Variants in AKAP7 observed in about 807,000 individuals in gnomAD.
AKAP7 encodes A-kinase anchoring protein 7, also known as A kinase (PRKA) anchor protein 7.
AKAP7 carries 39 observed loss-of-function variants against 39.5 expected under a neutral mutation model. That is an observed-to-expected ratio of 0.99 (90% CI 0.76 to 1.29). The LOEUF (loss-of-function observed/expected upper bound fraction) is 1.29, where lower values mean the gene tolerates loss of function less well. Among genes scored for constraint, AKAP7 ranks in the 50% most tolerant of loss-of-function variants. The probability of loss-of-function intolerance (pLI) is 0.00; values close to 1 mark genes in which losing one functional copy is unlikely to be tolerated. For synonymous variants in AKAP7, 140 were observed against 139.1 expected, an observed-to-expected ratio of 1.01 and a Z score of -0.05; for missense variants, 414 against 407.7, an observed-to-expected ratio of 1.02 and a Z score of -0.13.
At chr6:131,167,151 A>C (rs975674052) in intron 4 of AKAP7, among the ~76,000 whole-genome samples, 1 of 152,170 alleles carries the variant, frequency 6.6e-6, no homozygotes, top group Non-Finnish European at 1.5e-5. Context: ...ATATGCATAT[A>C]CTTTTTACTT....
chr6:131,217,558 C>T (rs778573033), intron 6 of AKAP7, among the ~76,000 whole-genome samples: 2 of 152,050 alleles, frequency 1.3e-5, no homozygotes, highest in Admixed American at 6.5e-5. Flanking sequence ...CCTTTTTGAA[C>T]CATAGCTCTC....
chr6:131,151,769 T>C (rs572725336), intron 2 of AKAP7, among the ~76,000 whole-genome samples: 4 of 152,296 alleles, frequency 2.6e-5, no homozygotes, highest in African/African-American at 4.8e-5. Flanking sequence ...CTATGAAATA[T>C]AGAAGATAGT....
chr6:131,251,131 T>G (rs1395662191), intron 7 of AKAP7, among the ~76,000 whole-genome samples: 1 of 152,204 alleles, frequency 6.6e-6, no homozygotes, highest in Non-Finnish European at 1.5e-5. Context: ...GTGAGACCAC[T>G]CTAAACAAGT....
intron 2 of AKAP7, among the ~76,000 whole-genome samples, chr6:131,154,117 A>G (rs1367747377): frequency 6.6e-6 from 1 of 152,152 alleles, no homozygotes; most frequent in African/African-American, 2.4e-5. Context: ...CTGAGGCAGG[A>G]GAATCACTTG....
chr6:131,265,286 C>T (rs1212487697), intron 7 of AKAP7, among the ~76,000 whole-genome samples: 4 of 152,194 alleles, frequency 2.6e-5, no homozygotes, highest in East Asian at 3.9e-4. Flanking sequence ...AGGCATGTGC[C>T]ACCACACCCA....
chr6:131,182,983 GA>G (rs1466257598), intron 5 of AKAP7, among the ~76,000 whole-genome samples: 1 of 151,942 alleles, frequency 6.6e-6, no homozygotes, highest in South Asian at 2.1e-4. Context: ...AATTTTGGGG[GA>G]AAAAAAGCTG....
chr6:131,136,158 G>C lies in AKAP7; in HGVS notation c.19+376G>C, dbSNP rs568441427. ...TGTAAACAAAACCTAGTAAAATTTC[G>C]ATTTTATCTTATATCACAAATATTA... On this transcript the variant is annotated intron_variant, in intron 1 of 7. Coordinates refer to ENST00000431975, the MANE Select transcript of AKAP7 (RefSeq NM_016377.4). 9.4e-4 allele frequency among the ~76,000 whole-genome samples: 143 copies of C among 152,236 alleles called. 3 individuals are homozygous for C. The highest frequency in any genetic ancestry group is 8.7e-4 in the Non-Finnish European group (59 of 68,028).
intron 7 of AKAP7, among the ~76,000 whole-genome samples, chr6:131,265,628 T>C (rs549609692): frequency 2.8e-4 from 43 of 152,266 alleles, no homozygotes; most frequent in African/African-American, 1.0e-3. Flanking sequence ...GTTAGCAGTC[T>C]CATTTTAGAA....
chr6:131,220,666 A>G (rs1809617150), intron 7 of AKAP7, among the ~76,000 whole-genome samples: 2 of 152,180 alleles, frequency 1.3e-5, no homozygotes, highest in Admixed American at 1.3e-4. Context: ...ATTTTTAAGA[A>G]ATTGAAGGTT....
intron 1 of AKAP7, among the ~76,000 whole-genome samples, chr6:131,138,754 CAT>C (rs1281118903): frequency 6.6e-6 from 1 of 152,182 alleles, no homozygotes; most frequent in Non-Finnish European, 1.5e-5. Context: ...AAATGAGCAT[CAT>C]AATAGTACCT....
intron 5 of AKAP7, chr6:131,185,150 C>A: frequency 1.7e-6 from 1 of 573,514 alleles, no homozygotes. Flanking sequence ...TGCTGCTGTC[C>A]TGAGAGATCA....
At chr6:131,167,004 C>T (rs1020045890) in intron 4 of AKAP7, among the ~76,000 whole-genome samples, 1 of 152,040 alleles carries the variant, frequency 6.6e-6, no homozygotes, top group Non-Finnish European at 1.5e-5. Flanking sequence ...TCGTTTGTAT[C>T]CTTACAGTGT....
intron 7 of AKAP7, chr6:131,253,163 TTGG>T: frequency 6.0e-6 from 9 of 1,488,060 alleles, no homozygotes; most frequent in Non-Finnish European, 8.4e-6. Flanking sequence ...CTTTTGCCGT[TTGG>T]TGGTGGTGGT....
intron 1 of AKAP7, among the ~76,000 whole-genome samples, chr6:131,136,381 G>A (rs7751453): frequency 0.02 from 3,052 of 152,268 alleles, 125 homozygotes; most frequent in African/African-American, 0.07. Context: ...ACCAATTAGA[G>A]AAAAGGTGCT....
intron 5 of AKAP7, among the ~76,000 whole-genome samples, chr6:131,177,687 G>T (rs1804718504): frequency 6.6e-6 from 1 of 152,170 alleles, no homozygotes; most frequent in African/African-American, 2.4e-5. Context: ...CTCCCATTTG[G>T]CAGGGAAACT....
At chr6:131,168,736 C>A (rs1040057955) in intron 4 of AKAP7, among the ~76,000 whole-genome samples, 1 of 152,162 alleles carries the variant, frequency 6.6e-6, no homozygotes. Flanking sequence ...CATCAAAAAT[C>A]TAGAACTTGA....
chr6:131,194,215 T>C (rs1286585405), intron 5 of AKAP7, among the ~76,000 whole-genome samples: 1 of 152,022 alleles, frequency 6.6e-6, no homozygotes, highest in African/African-American at 2.4e-5. Context: ...CTCTATCCCA[T>C]GGATTTTGTT....
At chr6:131,185,121 T>C in intron 5 of AKAP7, 1 of 629,662 alleles carries the variant, frequency 1.6e-6, no homozygotes, top group Non-Finnish European at 3.1e-6. Context: ...GGGGTCAGTG[T>C]GCAACAGAAC....
chr6:131,240,798 C>T (rs1326220067), intron 7 of AKAP7, among the ~76,000 whole-genome samples: 10 of 152,300 alleles, frequency 6.6e-5, no homozygotes, highest in South Asian at 6.2e-4. Context: ...TTCCAGGTGC[C>T]GTCTGTCACC....
Sources: allele counts gnomAD v4.1 joint callset (sites outside exome capture counted in the v4.1 genomes callset), GRCh38; gene constraint gnomAD v4.1.1; transcripts MANE v1.5; gene names NCBI Gene and HGNC (gene_info 2026-07-23, HGNC 2026-07-21).